Variants in RORA observed in about 807,000 individuals in gnomAD.
RORA encodes the protein RAR related orphan receptor A.
Under a neutral mutation model 69.5 loss-of-function variants are expected in RORA, and 7 were observed. The ratio of observed to expected loss-of-function variants is 0.10; its 90% confidence interval spans 0.06 to 0.19. RORA has a LOEUF of 0.19. RORA is among the 10% of genes least tolerant of loss of function. The pLI, the probability that RORA is intolerant of heterozygous loss-of-function variation, is 1.00. For synonymous variants in RORA, 261 were observed against 240.8 expected (o/e 1.08, Z -0.78); for missense variants, 457 against 663.0 (o/e 0.69, Z 3.41).
chr15:60,745,454 G>A (rs1567176384), intron 1 of RORA, among the ~76,000 whole-genome samples: 1 of 152,210 alleles, frequency 6.6e-6, no homozygotes, highest in Non-Finnish European at 1.5e-5. Flanking sequence ...AAACTTGGCC[G>A]ATTCTGTCTC....
intron 1 of RORA, among the ~76,000 whole-genome samples, chr15:60,954,240 A>C: frequency 7.2e-6 from 1 of 139,526 alleles, no homozygotes. Flanking sequence ...GGAATTGAAC[A>C]ATGAGATCAC....
At chr15:60,749,964 A>C (rs552953260) in intron 1 of RORA, among the ~76,000 whole-genome samples, 30 of 152,334 alleles carry the variant, frequency 2.0e-4, no homozygotes, top group African/African-American at 7.0e-4. Flanking sequence ...TGGAATGTCG[A>C]GGCTGCGGTG....
At chr15:61,194,681 A>G (rs1475022945) in intron 1 of RORA, among the ~76,000 whole-genome samples, 1 of 152,122 alleles carries the variant, frequency 6.6e-6, no homozygotes, top group Non-Finnish European at 1.5e-5. Flanking sequence ...AACATTGTAC[A>G]TTTCAGCGTG....
intron 2 of RORA, among the ~76,000 whole-genome samples, chr15:60,660,420 T>G (rs2070286809): frequency 6.6e-6 from 1 of 152,220 alleles, no homozygotes; most frequent in Non-Finnish European, 1.5e-5. Flanking sequence ...GAAGAATACC[T>G]CTGACAGACT....
At chr15:60,786,413 T>C (rs1424347174) in intron 1 of RORA, among the ~76,000 whole-genome samples, 1 of 152,244 alleles carries the variant, frequency 6.6e-6, no homozygotes, top group Non-Finnish European at 1.5e-5. Flanking sequence ...ACAAAGAGTC[T>C]TGAGCCTCGC....
intron 1 of RORA, among the ~76,000 whole-genome samples, chr15:60,802,296 C>G (rs533120716): frequency 1.3e-5 from 2 of 152,124 alleles, no homozygotes; most frequent in African/African-American, 4.8e-5. Flanking sequence ...ATATGCAGAC[C>G]GAGTGTTTGG....
chr15:60,640,096 C>T (rs2069915928), intron 2 of RORA, among the ~76,000 whole-genome samples: 1 of 152,184 alleles, frequency 6.6e-6, no homozygotes, highest in Admixed American at 6.5e-5. Flanking sequence ...TTCTCTGAGC[C>T]TGAGAGTCCT....
chr15:60,657,481 C>G (rs1364085241), intron 2 of RORA, among the ~76,000 whole-genome samples: 1 of 152,170 alleles, frequency 6.6e-6, no homozygotes, highest in African/African-American at 2.4e-5. Context: ...AAAGGAGTTA[C>G]TCCCCAGTCA....
At chr15:60,901,701 G>A (rs114084070) in intron 1 of RORA, among the ~76,000 whole-genome samples, 211 of 152,266 alleles carry the variant, frequency 1.4e-3, no homozygotes, top group African/African-American at 4.9e-3. Context: ...GAGCCTGTTG[G>A]GCACTACGCA....
chr15:60,837,488 A>G (rs1205997543), intron 1 of RORA, among the ~76,000 whole-genome samples: 3 of 152,216 alleles, frequency 2.0e-5, no homozygotes, highest in African/African-American at 7.2e-5. Flanking sequence ...GCACACGTCA[A>G]TACAGGCTCA....
intron 1 of RORA, among the ~76,000 whole-genome samples, chr15:60,787,115 C>T (rs753216850): frequency 7.9e-5 from 12 of 152,158 alleles, no homozygotes; most frequent in Admixed American, 1.3e-4. Flanking sequence ...TCATTTAATG[C>T]TGCAAAGGTG....
At chr15:60,616,130 G>C (rs1378713137) in intron 2 of RORA, among the ~76,000 whole-genome samples, 1 of 152,184 alleles carries the variant, frequency 6.6e-6, no homozygotes, top group Non-Finnish European at 1.5e-5. Flanking sequence ...TTTATGTCCT[G>C]TTTAATGTAT....
intron 1 of RORA, among the ~76,000 whole-genome samples, chr15:61,145,996 G>A (rs2079343492): frequency 6.6e-6 from 1 of 152,178 alleles, no homozygotes. Context: ...TAACTAATGA[G>A]TTATGAGATA....
chr15:60,748,773 C>T (rs1016557271), intron 1 of RORA, among the ~76,000 whole-genome samples: 8 of 152,044 alleles, frequency 5.3e-5, no homozygotes, highest in Non-Finnish European at 1.2e-4. Context: ...GCATTGATAA[C>T]GGGAAGTTGG....
At chr15:60,790,629 C>A (rs2072401777) in intron 1 of RORA, among the ~76,000 whole-genome samples, 1 of 152,218 alleles carries the variant, frequency 6.6e-6, no homozygotes, top group African/African-American at 2.4e-5. Flanking sequence ...TGACTTTCAA[C>A]CTGCAGATGT....
intron 1 of RORA, among the ~76,000 whole-genome samples, chr15:60,976,418 A>G (rs1260910191): frequency 6.6e-6 from 1 of 152,224 alleles, no homozygotes; most frequent in African/African-American, 2.4e-5. Flanking sequence ...AAATAATTCC[A>G]AAGTGTCTTT....
At chr15:60,731,992 C>T (rs557524179) in intron 1 of RORA, among the ~76,000 whole-genome samples, 24 of 152,180 alleles carry the variant, frequency 1.6e-4, no homozygotes, top group African/African-American at 5.5e-4. Flanking sequence ...TCCGAATAGG[C>T]GAAGGGAGAG....
chr15:60,946,954 G>T (rs971032804), intron 1 of RORA, among the ~76,000 whole-genome samples: 4 of 150,522 alleles, frequency 2.7e-5, no homozygotes, highest in African/African-American at 7.4e-5. Flanking sequence ...TCTCTGCCCC[G>T]CCGCCCTCTC....
chr15:60,558,204 G>A (rs781264777), intron 2 of RORA: 1 of 1,558,008 alleles, frequency 6.4e-7, no homozygotes, highest in South Asian at 1.1e-5. Flanking sequence ...GACAGGTCAG[G>A]AGGCCTTTGG....
Sources: allele counts gnomAD v4.1 joint callset (sites outside exome capture counted in the v4.1 genomes callset), GRCh38; gene constraint gnomAD v4.1.1; transcripts MANE v1.5; gene names NCBI Gene and HGNC (gene_info 2026-07-23, HGNC 2026-07-21).